Variants in SLC17A2 observed in about 807,000 individuals in gnomAD.
The protein encoded by SLC17A2 is sodium-dependent phosphate transport protein 3.
In SLC17A2, 38 loss-of-function variants were observed where a neutral mutation model predicts 52.1. The ratio of observed to expected loss-of-function variants is 0.73; its 90% CI spans 0.56 to 0.96. The LOEUF is 0.96. Ranked by LOEUF, SLC17A2 falls within the 40% of genes least tolerant of loss-of-function variation. SLC17A2 has a pLI of 0.00. For synonymous variants in SLC17A2, 226 were observed against 211.9 expected (o/e 1.07, Z -0.58); for missense variants, 508 against 583.9 (o/e 0.87, Z 1.34).
In SLC17A2 at chr6:25,921,129, T is replaced by C. The variant is rs539363965; in HGVS notation, c.475-36A>G. On this transcript the variant is annotated intron_variant, in intron 4 of 11. Transcript: ENST00000377850. ...AATCATTAAGACCTTTGATATTTTG[T>C]AGAATTCAGAAATCTGGATCCCACC... 2.5e-5 allele frequency: 40 copies of C among 1,613,622 alleles called. 1 individual carries two copies. The South Asian group carries it at 4.3e-4, about 17-fold the overall frequency.
chr6:25,916,081 C>A (rs1347722472), intron 8 of SLC17A2, among the ~76,000 whole-genome samples: 4 of 152,032 alleles, frequency 2.6e-5, no homozygotes, highest in Non-Finnish European at 2.9e-5. Flanking sequence ...ATATTAATTT[C>A]TTGGGTTTTT....
intron 5 of SLC17A2, among the ~76,000 whole-genome samples, chr6:25,920,723 G>T (rs1766519276): frequency 6.6e-6 from 1 of 152,034 alleles, no homozygotes; most frequent in South Asian, 2.1e-4. Flanking sequence ...ATTCTTAAAG[G>T]TTTAAACTTT....
chr6:25,928,578 C>T (rs1766843658), intron 1 of SLC17A2, among the ~76,000 whole-genome samples: 1 of 152,112 alleles, frequency 6.6e-6, no homozygotes, highest in Non-Finnish European at 1.5e-5. Context: ...TAGGTAATTT[C>T]AGTTCTTCGT....
At chr6:25,925,912 A>G in intron 1 of SLC17A2, 33 bp from the exon 2 acceptor site, 4 of 1,092,914 alleles carry the variant, frequency 3.7e-6, no homozygotes, top group South Asian at 1.2e-5. Context: ...AACATAATAC[A>G]CAAATAATTT....
intron 1 of SLC17A2, among the ~76,000 whole-genome samples, chr6:25,926,789 G>A (rs1048622177): frequency 6.6e-6 from 1 of 152,070 alleles, no homozygotes; most frequent in African/African-American, 2.4e-5. Flanking sequence ...TGTATCGGCC[G>A]GGTGCAGTGG....
In SLC17A2 at chr6:25,930,514, T is replaced by C. The variant is rs905672869; in HGVS notation, c.-321A>G. The C allele has an allele frequency of 1.3e-5, 2 of 152,340 alleles. No homozygotes were observed. Among genetic ancestry groups the C allele is most frequent in the Non-Finnish European group, 2.9e-5 (2 of 68,010 alleles). 9.4% of individuals were successfully genotyped at this position (152,340 alleles called of 1,614,324 possible). On this transcript the variant is annotated 5_prime_UTR_variant, in exon 1 of 12. An upstream open reading frame in the 5' UTR loses its in-frame stop. Coordinates refer to ENST00000377850, the MANE Select transcript of SLC17A2 (RefSeq NM_001286123.3). ...TTTGGTAAGTTAGTAATAATCCTTCTACCCAAAAAGAAGAAAAGCACTTAC... is the reference window on the plus strand; with the variant it reads ...TTTGGTAAGTTAGTAATAATCCTTCCACCCAAAAAGAAGAAAAGCACTTAC...
chr6:25,915,471 G>T (rs1766272723), intron 10 of SLC17A2, 28 bp downstream of exon 10: 3 of 1,541,250 alleles, frequency 1.9e-6, no homozygotes, highest in Non-Finnish European at 2.6e-6. Flanking sequence ...GGGTCTGGAG[G>T]AGGGGAAAAA....
intron 5 of SLC17A2, among the ~76,000 whole-genome samples, chr6:25,919,530 C>T (rs1766460220): frequency 6.6e-6 from 1 of 150,974 alleles, no homozygotes; most frequent in Non-Finnish European, 1.5e-5. Flanking sequence ...GAAACCCCGT[C>T]TCTACTAAAA....
At chr6:25,928,933 AT>A (rs1766857325) in intron 1 of SLC17A2, among the ~76,000 whole-genome samples, 1 of 152,222 alleles carries the variant, frequency 6.6e-6, no homozygotes, top group Admixed American at 6.5e-5. Flanking sequence ...ATTAAAAAAA[AT>A]TACTTGACAC....
chr6:25,928,148 G>C (rs9295676), intron 1 of SLC17A2, among the ~76,000 whole-genome samples: 1 of 151,780 alleles, frequency 6.6e-6, no homozygotes, highest in South Asian at 2.1e-4. Flanking sequence ...AATTTGAAAA[G>C]TTGCCTGAAA....
chr6:25,914,770 A>T (rs949396489), intron 10 of SLC17A2, 100 bp from the exon 11 acceptor site: 1 of 700,308 alleles, frequency 1.4e-6, no homozygotes, highest in African/African-American at 1.8e-5. Context: ...TGGCAAAGTC[A>T]TTTTGCTTAA....
chr6:25,927,871 C>A (rs78078917), intron 1 of SLC17A2, among the ~76,000 whole-genome samples: 3,634 of 152,236 alleles, frequency 0.024, 124 homozygotes, highest in African/African-American at 0.071. Context: ...GAGTTCAGCT[C>A]ATTGCTCTAC....
chr6:25,929,023 C>CT (rs1766860950), intron 1 of SLC17A2, among the ~76,000 whole-genome samples: 1 of 151,976 alleles, frequency 6.6e-6, no homozygotes, highest in South Asian at 2.1e-4. Context: ...AGGTTTTTCC[C>CT]TTTTTTTAAG....
chr6:25,924,720 A>T (rs1766693165), intron 2 of SLC17A2, among the ~76,000 whole-genome samples: 2 of 151,868 alleles, frequency 1.3e-5, no homozygotes, highest in African/African-American at 4.8e-5. Context: ...GAGTCAGGAG[A>T]ATCACTTGAA....
At position 25,923,752 on chromosome 6, in the gene SLC17A2, C is replaced by T; in HGVS notation, c.183G>A (p.Gly61=). The T allele has an allele frequency of 6.2e-7, 1 of 1,614,158 alleles. No homozygotes were observed. The highest frequency in any genetic ancestry group is 1.7e-5 in the Admixed American group (1 of 60,018). ...QQGLSNASTE[G]PVADAFNNSS... The stretch of plus-strand genomic sequence containing the variant: ...AGTTATTGAAGGCATCTGCAACAGG[C>T]CCCTCAGTGGAGGCATTAGATAGAC... Residue 61 remains glycine, a synonymous_variant, in exon 3 of 12, where the codon GGG becomes GGA. Coordinates refer to ENST00000377850, the MANE Select transcript of SLC17A2 (RefSeq NM_001286123.3).
rs1359424299 is a variant in SLC17A2 at position 25,921,256 on chromosome 6, T to A, written c.397A>T (p.Thr133Ser). The A allele has an allele frequency of 6.8e-6, 11 of 1,613,778 alleles. No individual in the cohort carries two copies. The highest frequency in any genetic ancestry group is 6.8e-6 in the Non-Finnish European group (8 of 1,179,972). ...GAGLLISSLL[T>S]LFTPLAADFG... ...TCAGCAGCCAGTGGTGTAAAGAGGG[T>A]GAGAAGGGAAGAGATCAGCAAACCA... The change falls in exon 4 of 12, where the codon ACC becomes TCC. Residue 133 changes from threonine (T) to serine (S), a missense_variant. Transcript: ENST00000377850.
In SLC17A2 at chr6:25,923,748, C is replaced by A. The variant is rs1229423457; in HGVS notation, c.187G>T (p.Val63Phe). Residue 63 changes from valine to phenylalanine, a missense_variant, in exon 3 of 12, where the codon GTT (valine) becomes TTT (phenylalanine). Physicochemically the swap from Val to Phe is conservative, Grantham distance 50. Transcript: ENST00000377850. ...GLSNASTEGP[V>F]ADAFNNSSIS... ...CTGGAGTTATTGAAGGCATCTGCAA[C>A]AGGCCCCTCAGTGGAGGCATTAGAT... is the stretch of plus-strand genomic sequence containing the variant. 5.6e-6 allele frequency: 9 copies of A among 1,614,054 alleles called. No homozygotes were observed. In the East Asian group the frequency reaches 2.0e-4, roughly 36 times the overall value.
chr6:25,922,741 A>G (rs1210032975), intron 3 of SLC17A2, among the ~76,000 whole-genome samples: 1 of 152,196 alleles, frequency 6.6e-6, no homozygotes, highest in Non-Finnish European at 1.5e-5. Context: ...TAATTGGGTA[A>G]ATTCATGGTT....
At chr6:25,929,434 G>A (rs1397856872) in intron 1 of SLC17A2, among the ~76,000 whole-genome samples, 3 of 152,188 alleles carry the variant, frequency 2.0e-5, no homozygotes, top group Admixed American at 2.0e-4. Context: ...TGGCAGTCTA[G>A]CCCTCTCAGA....
Sources: allele counts gnomAD v4.1 joint callset (sites outside exome capture counted in the v4.1 genomes callset), GRCh38; gene constraint gnomAD v4.1.1; transcripts MANE v1.5; gene names NCBI Gene and HGNC (gene_info 2026-07-23, HGNC 2026-07-21).